The following DNA2 variants were observed in gnomAD, a reference collection of about 807,000 sequenced individuals.
DNA2 encodes the protein DNA replication helicase/nuclease 2.
In DNA2, 101 loss-of-function variants were observed where a neutral mutation model predicts 119.1. The ratio of observed to expected loss-of-function variants is 0.85; its 90% CI spans 0.72 to 1.00. The LOEUF (loss-of-function observed/expected upper bound fraction) is 1.00. DNA2 is among the 50% of genes least tolerant of loss of function. The probability of loss-of-function intolerance (pLI) is 0.00; values close to 1 mark genes in which losing one functional copy is unlikely to be tolerated. For synonymous variants in DNA2, 366 were observed against 424.4 expected (o/e 0.86, Z 1.69); for missense variants, 1,121 against 1,255.5 (o/e 0.89, Z 1.62).
At chr10:68,420,807 G>A (rs764189951) in intron 17 of DNA2, among the ~76,000 whole-genome samples, 10 of 151,860 alleles carry the variant, frequency 6.6e-5, no homozygotes, top group East Asian at 1.9e-4. Context: ...CAAAAAAGTC[G>A]TTGTGCAGAT....
chr10:68,445,802 TA>T (rs66583699), intron 7 of DNA2, among the ~76,000 whole-genome samples: 3,201 of 152,232 alleles, frequency 0.021, 46 homozygotes, highest in Non-Finnish European at 0.032. Flanking sequence ...TGTTTTCAAC[TA>T]TAGAGTATAT....
At chr10:68,453,573 A>G (rs562705051) in intron 5 of DNA2, among the ~76,000 whole-genome samples, 1 of 152,356 alleles carries the variant, frequency 6.6e-6, no homozygotes, top group Non-Finnish European at 1.5e-5. Context: ...TAGTGGTCCC[A>G]TAAGATTATA....
chr10:68,458,505 G>A (rs1411469364), intron 5 of DNA2, among the ~76,000 whole-genome samples: 4 of 149,640 alleles, frequency 2.7e-5, no homozygotes, highest in Non-Finnish European at 5.9e-5. Flanking sequence ...CTGCACTCCA[G>A]CCTGGGCAAC....
At position 68,450,153 on chromosome 10, in the gene DNA2, A is replaced by G. The variant is rs746190946; in HGVS notation, c.814T>C (p.Leu272=). 1.9e-6 allele frequency: 3 copies of G among 1,608,078 alleles called. No homozygotes were observed. Among genetic ancestry groups the G allele is most frequent in the East Asian group, 4.5e-5 (2 of 44,798 alleles). ...EESIWSPRFG[L]KGKIDVTVGV... is the part of the protein sequence containing the mutation. The stretch of plus-strand genomic sequence containing the variant: ...ACTGTAACATCTATTTTGCCTTTCA[A>G]TCCAAACCTAGGGGACCAAATGCTT... Residue 272 remains leucine (L), a synonymous_variant, in exon 6 of 21, where the codon TTG becomes CTG. Transcript: ENST00000358410.
At chr10:68,448,710 A>T (rs2052073794) in intron 6 of DNA2, among the ~76,000 whole-genome samples, 1 of 152,210 alleles carries the variant, frequency 6.6e-6, no homozygotes, top group Non-Finnish European at 1.5e-5. Context: ...GCAATGGTGA[A>T]TTAGAGCAAC....
Position 68,419,861 on chromosome 10 carries a change from C to A in DNA2, c.2729G>T (p.Gly910Val). 1 of 1,613,864 alleles carries A rather than the reference C, an allele frequency of 6.2e-7. No individual in the cohort carries two copies. Among genetic ancestry groups the A allele is most frequent in the Non-Finnish European group, 8.5e-7 (1 of 1,179,842 alleles). Reference sequence around the variant, plus strand: ...TTTGGCTTCTGTTACATTGCTCACACCACCTTTTTCAACTTGTTCTGGCGC... The same window carrying A: ...TTTGGCTTCTGTTACATTGCTCACAACACCTTTTTCAACTTGTTCTGGCGC... ...VPAPEQVEKG[G>V]VSNVTEAKLI... The change falls in exon 18 of 21, where the codon GGT becomes GTT. Residue 910 changes from glycine (G) to valine (V), a missense_variant. Coordinates refer to ENST00000358410, the MANE Select transcript of DNA2 (RefSeq NM_001080449.3).
chr10:68,440,614 TA>T (rs556461644), intron 9 of DNA2, among the ~76,000 whole-genome samples: 153 of 140,154 alleles, frequency 1.1e-3, no homozygotes, highest in Middle Eastern at 3.5e-3. Flanking sequence ...AGACTTTGTC[TA>T]AAAAAAAAAA....
rs560648487 is a variant in DNA2, at chr10:68,430,851, A to AG, written c.1984-192dup. The stretch of plus-strand genomic sequence containing the variant: ...TAATAATATGTCAATAATACATCAT[A>AG]GGCCAGGCATGGTGGCTCACACTTG... On this transcript the variant is annotated intron_variant, in intron 13 of 20. Transcript: ENST00000358410. Among the ~76,000 whole-genome samples the AG allele has an allele frequency of 1.4e-3, 212 of 152,300 alleles. 1 individual carries two copies. The highest frequency in any genetic ancestry group is 5.0e-3 in the African/African-American group (207 of 41,560).
At chr10:68,460,419 ATTTTT>A (rs202173711) in intron 4 of DNA2, among the ~76,000 whole-genome samples, 1 of 143,102 alleles carries the variant, frequency 7.0e-6, no homozygotes, top group Non-Finnish European at 1.5e-5. Flanking sequence ...TAATACGGTA[ATTTTT>A]TTTTTTTTTT....
At chr10:68,450,341 G>C (rs116910421) in intron 5 of DNA2, 94 bp from the exon 6 acceptor site, 2 of 982,308 alleles carry the variant, frequency 2.0e-6, no homozygotes, top group Non-Finnish European at 3.0e-6. Flanking sequence ...CAGAGAATGT[G>C]GGGAGGGGAA....
intron 10 of DNA2, among the ~76,000 whole-genome samples, chr10:68,434,372 G>A (rs1277788838): frequency 1.3e-5 from 2 of 152,106 alleles, no homozygotes; most frequent in Non-Finnish European, 2.9e-5. Flanking sequence ...AATAAGCTGG[G>A]TGTAGTAGCT....
At chr10:68,436,238 A>AT (rs1457049488) in intron 10 of DNA2, among the ~76,000 whole-genome samples, 6 of 152,158 alleles carry the variant, frequency 3.9e-5, no homozygotes, top group African/African-American at 1.2e-4. Context: ...ATATTCAGCC[A>AT]TAAAAAAAAT....
chr10:68,450,292 C>T (rs1031566245), intron 5 of DNA2, 45 bp from the exon 6 acceptor site: 17 of 1,407,986 alleles, frequency 1.2e-5, no homozygotes, highest in Non-Finnish European at 1.7e-5. Flanking sequence ...GAACTCTTAG[C>T]TCATTTCACA....
chr10:68,472,013 C>G (rs746767620), upstream of DNA2: 1 of 1,609,088 alleles, frequency 6.2e-7, no homozygotes, highest in Non-Finnish European at 8.5e-7. Flanking sequence ...TGCGCCAGGC[C>G]GCCCCTCCCG....
At chr10:68,456,633 C>G (rs546571660) in intron 5 of DNA2, among the ~76,000 whole-genome samples, 3 of 152,074 alleles carry the variant, frequency 2.0e-5, no homozygotes, top group South Asian at 4.2e-4. Context: ...AGGCTGGTCT[C>G]AAACTCCTGA....
At chr10:68,425,690 C>T (rs528689437) in intron 14 of DNA2, among the ~76,000 whole-genome samples, 8 of 151,444 alleles carry the variant, frequency 5.3e-5, no homozygotes, top group South Asian at 2.1e-4. Flanking sequence ...CGTGAGACAC[C>T]GCGCCCGGCC....
chr10:68,436,825 T>C (rs1204561907), intron 10 of DNA2, 186 bp downstream of exon 10: 2 of 545,436 alleles, frequency 3.7e-6, no homozygotes, highest in African/African-American at 1.9e-5. Flanking sequence ...CTAAAGGGTA[T>C]AGGGCTTCTT....
chr10:68,429,054 A>G (rs2051780955), intron 14 of DNA2, among the ~76,000 whole-genome samples: 1 of 152,210 alleles, frequency 6.6e-6, no homozygotes, highest in Non-Finnish European at 1.5e-5. Flanking sequence ...CCAGATATAC[A>G]TCTTAGCCAG....
In DNA2 at chr10:68,465,849, ATT is replaced by A. The variant is rs200481479; in HGVS notation, c.442-39_442-38del. ...AATCACACAGTTTATTTCACAACAT[ATT>A]AACAGACACAATTGTATATTTATTA... On this transcript the variant is annotated intron_variant, in intron 3 of 20. Transcript: ENST00000358410. 1.2e-3 allele frequency: 1,662 copies of A among 1,441,824 alleles called. 19 individuals are homozygous for A. In the African/African-American group the frequency reaches 0.022, roughly 19 times the overall value. 89.3% of individuals were successfully genotyped at this position (1,441,824 alleles called of 1,614,324 possible). A position where few individuals can be genotyped will look rare whatever the true frequency, so the allele number is the denominator to read the frequency against.
Sources: gnomAD v4.1 joint callset for allele counts (sites outside exome capture counted in the v4.1 genomes callset) on GRCh38, gnomAD v4.1.1 for gene constraint, MANE v1.5 for transcripts, NCBI Gene and HGNC (gene_info 2026-07-23, HGNC 2026-07-21) for gene names.